Variants in TNIP3 observed in about 807,000 individuals in gnomAD.
The protein encoded by TNIP3 is TNFAIP3 interacting protein 3.
Under a neutral mutation model 54.1 loss-of-function variants are expected in TNIP3, and 34 were observed. The ratio of observed to expected loss-of-function variants is 0.63; its 90% confidence interval spans 0.48 to 0.84. The LOEUF (loss-of-function observed/expected upper bound fraction) is 0.84. Ranked by LOEUF, TNIP3 falls within the 40% of genes least tolerant of loss-of-function variation. The probability of loss-of-function intolerance (pLI) is 0.00; values close to 1 mark genes in which losing one functional copy is unlikely to be tolerated. For missense variants in TNIP3, 366 were observed against 387.6 expected (o/e 0.94, Z 0.47); for synonymous variants, 134 against 136.8 (o/e 0.98, Z 0.14).
chr4:121,138,830 C>G, intron 9 of TNIP3, 146 bp from the exon 10 acceptor site: 1 of 707,362 alleles, frequency 1.4e-6, no homozygotes, highest in Non-Finnish European at 2.5e-6. Flanking sequence ...CTCACTCATC[C>G]TGCTTACCCC....
At chr4:121,201,225 C>A (rs572983695) in intron 2 of TNIP3, among the ~76,000 whole-genome samples, 7 of 152,166 alleles carry the variant, frequency 4.6e-5, no homozygotes, top group African/African-American at 1.7e-4. Flanking sequence ...AACTGAGTGG[C>A]CATACTGATG....
chr4:121,185,874 G>A (rs1274632030), intron 2 of TNIP3, among the ~76,000 whole-genome samples: 1 of 152,168 alleles, frequency 6.6e-6, no homozygotes, highest in African/African-American at 2.4e-5. Context: ...TTATTGCAAG[G>A]TACTGACTTT....
At chr4:121,172,861 G>A in intron 3 of TNIP3, among the ~76,000 whole-genome samples, 1 of 152,188 alleles carries the variant, frequency 6.6e-6, no homozygotes, top group East Asian at 1.9e-4. Context: ...GGACAAGCTA[G>A]AGGTCCTAGA....
intron 2 of TNIP3, among the ~76,000 whole-genome samples, chr4:121,194,618 A>G (rs539456848): frequency 6.6e-6 from 1 of 152,296 alleles, no homozygotes; most frequent in African/African-American, 2.4e-5. Flanking sequence ...CAAGGATTCT[A>G]GAAAATGAAA....
chr4:121,215,378 A>T (rs1726728372), intron 2 of TNIP3, among the ~76,000 whole-genome samples: 1 of 152,202 alleles, frequency 6.6e-6, no homozygotes, highest in Non-Finnish European at 1.5e-5. Context: ...ACAAAATAGA[A>T]GTTTTGTCTT....
chr4:121,151,364 G>A (rs1012050082), intron 5 of TNIP3, among the ~76,000 whole-genome samples: 2 of 152,170 alleles, frequency 1.3e-5, no homozygotes, highest in African/African-American at 4.8e-5. Flanking sequence ...AAAAGCAAAT[G>A]TGTGGTTTTG....
chr4:121,210,267 A>G (rs1001920517), intron 2 of TNIP3, among the ~76,000 whole-genome samples: 2 of 152,216 alleles, frequency 1.3e-5, no homozygotes, highest in African/African-American at 4.8e-5. Context: ...ACATAGAGAT[A>G]AAATAAGTCC....
chr4:121,198,512 C>T (rs1699772086), intron 2 of TNIP3, among the ~76,000 whole-genome samples: 1 of 152,178 alleles, frequency 6.6e-6, no homozygotes, highest in African/African-American at 2.4e-5. Context: ...GGGCCAGATG[C>T]ATTTCTTAGT....
At chr4:121,139,178 A>C (rs1357347060) in intron 9 of TNIP3, among the ~76,000 whole-genome samples, 1 of 152,200 alleles carries the variant, frequency 6.6e-6, no homozygotes, top group African/African-American at 2.4e-5. Flanking sequence ...ATGGTGAAGC[A>C]GGGCAAATCT....
At chr4:121,180,273 G>T (rs945729384) in intron 3 of TNIP3, among the ~76,000 whole-genome samples, 2 of 152,004 alleles carry the variant, frequency 1.3e-5, no homozygotes, top group Admixed American at 1.3e-4. Flanking sequence ...GGTGGCGGGC[G>T]CCTGTAGTCC....
chr4:121,187,831 A>G (rs17051314), intron 2 of TNIP3, among the ~76,000 whole-genome samples: 3,826 of 152,286 alleles, frequency 0.025, 158 homozygotes, highest in African/African-American at 0.086. Context: ...AGGGTCTCTA[A>G]CAAGTTCTGG....
intron 7 of TNIP3, among the ~76,000 whole-genome samples, chr4:121,144,424 C>T (rs1729310201): frequency 6.6e-6 from 1 of 152,042 alleles, no homozygotes; most frequent in Admixed American, 6.6e-5. Context: ...CTTTTTGAGA[C>T]AGAATCCCAC....
intron 3 of TNIP3, among the ~76,000 whole-genome samples, chr4:121,175,013 T>A (rs975978807): frequency 4.6e-5 from 7 of 152,224 alleles, no homozygotes; most frequent in African/African-American, 1.7e-4. Flanking sequence ...CTAGGAGACA[T>A]CCACATCCTG....
At chr4:121,138,215 G>A (rs1183270064) in intron 10 of TNIP3, among the ~76,000 whole-genome samples, 2 of 152,102 alleles carry the variant, frequency 1.3e-5, no homozygotes, top group Non-Finnish European at 2.9e-5. Flanking sequence ...CCGAGCCTTT[G>A]GTTTCCTCTG....
chr4:121,216,328 A>C (rs1271509846), intron 2 of TNIP3: 1 of 1,157,690 alleles, frequency 8.6e-7, no homozygotes, highest in Non-Finnish European at 1.2e-6. Flanking sequence ...TTCTACTCTT[A>C]ATACACTATC....
At chr4:121,199,162 CA>C (rs1186733140) in intron 2 of TNIP3, among the ~76,000 whole-genome samples, 2 of 152,012 alleles carry the variant, frequency 1.3e-5, no homozygotes, top group Non-Finnish European at 2.9e-5. Flanking sequence ...AAACAAAAAA[CA>C]AAGCAAAACA....
intron 2 of TNIP3, among the ~76,000 whole-genome samples, chr4:121,189,299 C>T (rs752693455): frequency 6.6e-6 from 1 of 152,142 alleles, no homozygotes; most frequent in Non-Finnish European, 1.5e-5. Context: ...CCATTATTTT[C>T]AGGAAAGACC....
intron 2 of TNIP3, among the ~76,000 whole-genome samples, chr4:121,185,645 A>G (rs1724973385): frequency 1.3e-5 from 2 of 152,188 alleles, no homozygotes; most frequent in African/African-American, 4.8e-5. Flanking sequence ...TATTAACTCA[A>G]ATCTAACCAA....
chr4:121,182,831 A>G, intron 2 of TNIP3: 1 of 1,531,728 alleles, frequency 6.5e-7, no homozygotes, highest in Middle Eastern at 2.3e-4. Context: ...TACATTATAC[A>G]AAGGTAATTA....
Sources: allele counts gnomAD v4.1 joint callset (sites outside exome capture counted in the v4.1 genomes callset), GRCh38; gene constraint gnomAD v4.1.1; transcripts MANE v1.5; gene names NCBI Gene and HGNC (gene_info 2026-07-23, HGNC 2026-07-21).